Variants in ALLC observed in about 807,000 individuals in gnomAD.
The protein encoded by ALLC is probable inactive allantoicase.
A neutral mutation model predicts 45.0 loss-of-function variants in ALLC; 40 were observed. The observed-to-expected ratio is 0.89, with a 90% CI of 0.69 to 1.16. The LOEUF (loss-of-function observed/expected upper bound fraction) is 1.16. Ranked by LOEUF, ALLC falls within the 50% of genes most tolerant of loss-of-function variation. The pLI, the probability that ALLC is intolerant of heterozygous loss-of-function variation, is 0.00. For synonymous variants in ALLC, 176 were observed against 178.1 expected, an observed-to-expected ratio of 0.99 and a Z score of 0.09; for missense variants, 488 against 493.1, an observed-to-expected ratio of 0.99 and a Z score of 0.10.
upstream of ALLC, among the ~76,000 whole-genome samples, chr2:3,655,670 G>C (rs1332147990): frequency 6.6e-6 from 1 of 152,136 alleles, no homozygotes; most frequent in African/African-American, 2.4e-5. Context: ...GTGTTGCCCA[G>C]GTTGGTCTCA....
chr2:3,669,909 G>A (rs2147997050), intron 1 of ALLC, among the ~76,000 whole-genome samples: 1 of 152,326 alleles, frequency 6.6e-6, no homozygotes, highest in Admixed American at 6.5e-5. Flanking sequence ...TGAGTTGTCA[G>A]ATGGAAATTC....
intron 1 of ALLC, among the ~76,000 whole-genome samples, chr2:3,667,013 A>G (rs1395974476): frequency 6.6e-6 from 1 of 152,200 alleles, no homozygotes; most frequent in Non-Finnish European, 1.5e-5. Flanking sequence ...TTAAATACCT[A>G]GGTGTGGCCA....
At chr2:3,671,855 G>A (rs1219637244) in intron 2 of ALLC, among the ~76,000 whole-genome samples, 10 of 92,798 alleles carry the variant, frequency 1.1e-4, no homozygotes, top group South Asian at 3.3e-4. Context: ...CTCTGGCTCT[G>A]GTTAGATGGG....
chr2:3,685,237 G>A (rs924712848), intron 7 of ALLC, among the ~76,000 whole-genome samples: 1 of 101,790 alleles, frequency 9.8e-6, no homozygotes, highest in Non-Finnish European at 2.0e-5. Flanking sequence ...CTATTCCCCC[G>A]TCTTTTTAAA....
At chr2:3,656,911 C>T (rs146864778), upstream of ALLC, among the ~76,000 whole-genome samples, 311 of 152,162 alleles carry the variant, frequency 2.0e-3, 1 homozygote, top group African/African-American at 6.8e-3. Flanking sequence ...AGCGAAACCA[C>T]GAGGATAAAA....
Position 3,678,457 on chromosome 2 carries a change from C to A in ALLC, c.85-11C>A. 1 of 1,611,036 alleles carries A rather than the reference C, an allele frequency of 6.2e-7. No individual in the cohort carries two copies. The highest frequency in any genetic ancestry group is 2.2e-5 in the East Asian group (1 of 44,868). ...ATGTTAATGATCACCTTGTTGTGGT[C>A]TTTGCCCTAGAGTGACAGCCCGTGC... On this transcript the variant is annotated splice_polypyrimidine_tract_variant and intron_variant, in intron 3 of 11. Transcript: ENST00000252505.
At position 3,667,878 on chromosome 2, in the gene ALLC, C is replaced by T. The variant is rs112178768; in HGVS notation, c.-62-3218C>T. Among the ~76,000 whole-genome samples the T allele has an allele frequency of 4.8e-3, 724 of 152,334 alleles. 8 individuals carry two copies. Among genetic ancestry groups the T allele is most frequent in the African/African-American group, 0.016 (672 of 41,578 alleles). ...CTTCCGGGTTCAAGTGATTCTCCTGCCTCAGCCTCCCGAGTAGCTGGGATT... is the reference window on the plus strand; with the variant it reads ...CTTCCGGGTTCAAGTGATTCTCCTGTCTCAGCCTCCCGAGTAGCTGGGATT... On this transcript the variant is annotated intron_variant, in intron 1 of 11. Coordinates refer to ENST00000252505, the MANE Select transcript of ALLC (RefSeq NM_018436.4).
upstream of ALLC, among the ~76,000 whole-genome samples, chr2:3,653,440 C>T (rs936665220): frequency 5.9e-5 from 9 of 152,196 alleles, no homozygotes; most frequent in Non-Finnish European, 1.0e-4. This position sits in a 1 kb window ranked among gnomAD's most constrained non-coding sequence, Gnocchi z 4.1. Flanking sequence ...AAGGACTGGG[C>T]ATGTGTTGAA....
At chr2:3,664,455 T>C (rs887110725) in intron 1 of ALLC, among the ~76,000 whole-genome samples, 5 of 152,198 alleles carry the variant, frequency 3.3e-5, no homozygotes, top group Admixed American at 1.3e-4. Flanking sequence ...TGAAAAGGTA[T>C]CTTTACAACT....
chr2:3,672,049 G>A (rs1666891070), intron 2 of ALLC, among the ~76,000 whole-genome samples: 1 of 113,638 alleles, frequency 8.8e-6, no homozygotes, highest in Non-Finnish European at 1.8e-5. Context: ...TTAGACCTGT[G>A]GTCCTCTGGC....
intron 1 of ALLC, among the ~76,000 whole-genome samples, chr2:3,658,929 A>G (rs550144231): frequency 6.6e-6 from 1 of 151,902 alleles, no homozygotes; most frequent in South Asian, 2.1e-4. Flanking sequence ...AAGTAAACCT[A>G]TATTCAAAAC....
chr2:3,702,282 A>C, intron 11 of ALLC, 81 bp from the exon 12 acceptor site: 3 of 1,255,786 alleles, frequency 2.4e-6, no homozygotes, highest in Non-Finnish European at 3.3e-6. Context: ...TCTAAGCCAA[A>C]GGTTTGCCCG....
At chr2:3,657,489 AG>A (rs1481695452), upstream of ALLC, among the ~76,000 whole-genome samples, 1 of 151,852 alleles carries the variant, frequency 6.6e-6, no homozygotes, top group Non-Finnish European at 1.5e-5. Flanking sequence ...CTCCCTGCGC[AG>A]GTGACCTCGG....
intron 7 of ALLC, among the ~76,000 whole-genome samples, chr2:3,689,480 C>T (rs1281400217): frequency 6.6e-6 from 1 of 151,002 alleles, no homozygotes; most frequent in Admixed American, 6.6e-5. Context: ...TGTTCAGGAG[C>T]ATGTTGTTTA....
At chr2:3,696,453 T>C in intron 9 of ALLC, 105 bp downstream of exon 9, 1 of 835,480 alleles carries the variant, frequency 1.2e-6, no homozygotes, top group Middle Eastern at 2.8e-4. Context: ...CTCATATGCA[T>C]TGTTCTAAAT....
chr2:3,686,811 A>G lies in ALLC; in HGVS notation c.511+3737A>G, dbSNP rs532460739. On this transcript the variant is annotated intron_variant, in intron 7 of 11. Transcript: ENST00000252505. Reference sequence around the variant, plus strand: ...AATTTGTATCCTGAAAATCTACTGAATTAGTTTATCAGTTCTAATAGTTTT... The same window carrying G: ...AATTTGTATCCTGAAAATCTACTGAGTTAGTTTATCAGTTCTAATAGTTTT... 1.0e-3 allele frequency among the ~76,000 whole-genome samples: 153 copies of G among 150,990 alleles called. 1 individual carries two copies. The highest frequency in any genetic ancestry group is 3.2e-3 in the African/African-American group (134 of 41,264).
intron 2 of ALLC, among the ~76,000 whole-genome samples, chr2:3,673,164 C>T (rs1330942560): frequency 6.6e-6 from 1 of 152,310 alleles, no homozygotes; most frequent in South Asian, 2.1e-4. Context: ...GAGGTGTCTG[C>T]GAGGAGAGCA....
intron 7 of ALLC, among the ~76,000 whole-genome samples, chr2:3,691,364 C>A (rs2148016548): frequency 6.6e-6 from 1 of 152,124 alleles, no homozygotes; most frequent in East Asian, 1.9e-4. Context: ...GATGATTCTC[C>A]CACATCAGCA....
chr2:3,651,440 T>A, the ALLC span, among the ~76,000 whole-genome samples: 9 of 55,488 alleles, frequency 1.6e-4, no homozygotes, highest in African/African-American at 3.0e-4. Context: ...TGTGTGTGTG[T>A]GTTAGGAAGG....
Sources: allele counts gnomAD v4.1 joint callset (sites outside exome capture counted in the v4.1 genomes callset), GRCh38; gene constraint gnomAD v4.1.1; non-coding constraint Gnocchi (gnomAD v3.1); transcripts MANE v1.5; gene names NCBI Gene and HGNC (gene_info 2026-07-23, HGNC 2026-07-21).